Variants in CALD1 observed in about 807,000 individuals in gnomAD.
The protein encoded by CALD1 is caldesmon.
CALD1 carries 33 observed loss-of-function variants against 99.9 expected under a neutral mutation model. The observed-to-expected ratio is 0.33, with a 90% CI of 0.25 to 0.44. The LOEUF (loss-of-function observed/expected upper bound fraction) is 0.44, where lower values mean the gene tolerates loss of function less well. Among genes scored for constraint, CALD1 ranks in the 20% least tolerant of loss-of-function variants. The pLI is 1.00. For missense variants in CALD1, 861 were observed against 962.1 expected, an observed-to-expected ratio of 0.89 and a Z score of 1.39; for synonymous variants, 310 against 325.0, an observed-to-expected ratio of 0.95 and a Z score of 0.50.
At chr7:134,795,461 C>T (rs1197603115) in intron 1 of CALD1, among the ~76,000 whole-genome samples, 5 of 152,186 alleles carry the variant, frequency 3.3e-5, no homozygotes, top group Admixed American at 1.3e-4. Flanking sequence ...TCAATTAAAC[C>T]TCTTTCCTTT....
the CALD1 span, among the ~76,000 whole-genome samples, chr7:134,729,777 T>G: frequency 0.53 from 80,985 of 152,088 alleles, 22,920 homozygotes; most frequent in East Asian, 0.82. Flanking sequence ...AAGAGGAGCT[T>G]TGAGTGATGC....
At chr7:134,918,987 G>A (rs1336669320) in intron 3 of CALD1, among the ~76,000 whole-genome samples, 2 of 152,114 alleles carry the variant, frequency 1.3e-5, no homozygotes, top group African/African-American at 4.8e-5. Flanking sequence ...TTACAGAGGA[G>A]AACTTGTCTC....
At chr7:134,739,058 G>C in the CALD1 span, among the ~76,000 whole-genome samples, 28,474 of 152,172 alleles carry the variant, frequency 0.19, 3,119 homozygotes, top group African/African-American at 0.29. Flanking sequence ...TGCTGCTTAA[G>C]TTTAATTATG....
chr7:134,801,303 G>A (rs184055942), intron 1 of CALD1, among the ~76,000 whole-genome samples: 53 of 152,012 alleles, frequency 3.5e-4, no homozygotes, highest in African/African-American at 1.1e-3. Flanking sequence ...AATCTGTTTC[G>A]TTTTTAAACC....
chr7:134,724,237 T>G, the CALD1 span, among the ~76,000 whole-genome samples: 1 of 152,192 alleles, frequency 6.6e-6, no homozygotes, highest in South Asian at 2.1e-4. Flanking sequence ...GTGAATACAC[T>G]TTAGGGAAGG....
chr7:134,789,345 T>C (rs3778842), intron 1 of CALD1, among the ~76,000 whole-genome samples: 47,592 of 152,136 alleles, frequency 0.31, 7,968 homozygotes, highest in East Asian at 0.63. Context: ...CCACCTTCTT[T>C]ACCACTGTGC....
chr7:134,914,685 C>T lies in CALD1; in HGVS notation c.72-14069C>T, dbSNP rs2132735221. On this transcript the variant is annotated intron_variant, in intron 3 of 14. Transcript: ENST00000361675. ...TTTTCCATAACCATATTTCCCGATT[C>T]TGCAACCTTGCTATTTGAGCTTTCT... Among the ~76,000 whole-genome samples, 3 of 152,296 alleles carry T rather than the reference C, an allele frequency of 2.0e-5. No individual in the cohort carries two copies. In the East Asian group the frequency reaches 5.8e-4, roughly 29 times the overall value.
chr7:134,810,539 G>A (rs1441653978), intron 1 of CALD1, among the ~76,000 whole-genome samples: 1 of 152,116 alleles, frequency 6.6e-6, no homozygotes, highest in Non-Finnish European at 1.5e-5. Context: ...GGCTCCCTGG[G>A]GAGAGAGCTA....
chr7:134,804,118 C>G (rs1798047597), intron 1 of CALD1, among the ~76,000 whole-genome samples: 1 of 152,204 alleles, frequency 6.6e-6, no homozygotes, highest in African/African-American at 2.4e-5. Context: ...TGTTACCTTT[C>G]TACTGTTGGA....
intron 3 of CALD1, among the ~76,000 whole-genome samples, chr7:134,918,501 G>A (rs1288547566): frequency 6.6e-6 from 1 of 152,164 alleles, no homozygotes; most frequent in Non-Finnish European, 1.5e-5. Context: ...GCTGTTTAGG[G>A]ATGCATACCA....
At chr7:134,956,073 G>A (rs1807746996) in intron 9 of CALD1, among the ~76,000 whole-genome samples, 1 of 151,628 alleles carries the variant, frequency 6.6e-6, no homozygotes, top group African/African-American at 2.4e-5. Context: ...CTTTACAGAT[G>A]TTTTATATAT....
chr7:134,833,489 TA>T (rs1435483940), intron 1 of CALD1, among the ~76,000 whole-genome samples: 3 of 152,216 alleles, frequency 2.0e-5, no homozygotes, highest in South Asian at 4.1e-4. Flanking sequence ...GTATTACCAA[TA>T]AAAACAGCAG....
chr7:134,965,481 C>T, intron 14 of CALD1, 95 bp downstream of exon 14: 2 of 738,210 alleles, frequency 2.7e-6, no homozygotes, highest in South Asian at 2.9e-5. Context: ...TATCACTGAC[C>T]TACAGATCTT....
intron 1 of CALD1, among the ~76,000 whole-genome samples, chr7:134,774,026 C>T (rs188155238): frequency 3.9e-4 from 59 of 152,010 alleles, no homozygotes; most frequent in African/African-American, 1.2e-3. Flanking sequence ...AAAAATTAGC[C>T]GGGTGTGGTG....
intron 1 of CALD1, among the ~76,000 whole-genome samples, chr7:134,756,960 C>A (rs902771735): frequency 1.3e-5 from 2 of 152,172 alleles, no homozygotes; most frequent in Non-Finnish European, 2.9e-5. Context: ...CCGCCACTTA[C>A]GCTCATTTTT....
intron 6 of CALD1, among the ~76,000 whole-genome samples, chr7:134,939,907 T>A (rs1417711836): frequency 6.6e-6 from 1 of 151,932 alleles, no homozygotes; most frequent in Admixed American, 6.6e-5. Context: ...GAAGCTGCAG[T>A]GAGCTGAGAT....
At chr7:134,868,068 C>T (rs967804447) in intron 3 of CALD1, 1 of 226,006 alleles carries the variant, frequency 4.4e-6, no homozygotes, top group Non-Finnish European at 8.7e-6. Flanking sequence ...ATACCTTTCA[C>T]ATTGGAATGT....
chr7:134,712,828 G>A, the CALD1 span, among the ~76,000 whole-genome samples: 3 of 152,180 alleles, frequency 2.0e-5, no homozygotes, highest in South Asian at 2.1e-4. Context: ...GCGTGCCTTC[G>A]AGTGGGGTTT....
intron 3 of CALD1, among the ~76,000 whole-genome samples, chr7:134,874,952 C>A (rs986837567): frequency 2.6e-5 from 4 of 152,150 alleles, no homozygotes; most frequent in African/African-American, 9.7e-5. Flanking sequence ...CACACGCAAA[C>A]CCAACACTTA....
Sources: allele counts gnomAD v4.1 joint callset (sites outside exome capture counted in the v4.1 genomes callset), GRCh38; gene constraint gnomAD v4.1.1; transcripts MANE v1.5; gene names NCBI Gene and HGNC (gene_info 2026-07-23, HGNC 2026-07-21).